Variants in PAX7 observed in about 807,000 individuals in gnomAD.
PAX7 encodes paired box 7, also known as paired box protein Pax-7.
In PAX7, 18 loss-of-function variants were observed where a neutral mutation model predicts 50.7. That is an observed-to-expected ratio of 0.36 (90% confidence interval 0.25 to 0.53). The LOEUF is 0.53. Among genes scored for constraint, PAX7 ranks in the 20% least tolerant of loss-of-function variants. PAX7 has a pLI of 0.93. For missense variants in PAX7, 644 were observed against 702.9 expected (o/e 0.92, Z 0.95); for synonymous variants, 310 against 290.4 (o/e 1.07, Z -0.69).
intron 4 of PAX7, among the ~76,000 whole-genome samples, chr1:18,686,296 C>G (rs759513069): frequency 2.0e-5 from 3 of 152,192 alleles, no homozygotes; most frequent in Non-Finnish European, 2.9e-5. Context: ...TGACTAGAGA[C>G]AGGATCCAGG....
intron 4 of PAX7, among the ~76,000 whole-genome samples, chr1:18,683,804 C>A (rs956902216): frequency 1.3e-5 from 2 of 152,164 alleles, no homozygotes; most frequent in Non-Finnish European, 2.9e-5. Flanking sequence ...CAAGCCACCG[C>A]ACTCAAGTGT....
intron 4 of PAX7, among the ~76,000 whole-genome samples, chr1:18,686,528 G>A (rs981068755): frequency 6.6e-6 from 1 of 152,118 alleles, no homozygotes; most frequent in Admixed American, 6.5e-5. Context: ...CGAACCAGCT[G>A]CCCAGGCTTC....
At position 18,700,518 on chromosome 1, in the gene PAX7, C is replaced by G. The variant is rs2089204950; in HGVS notation, c.787-135C>G. The G allele has an allele frequency of 1.3e-6, 1 of 755,392 alleles. No homozygotes were observed. The allele number at this position is 755,392 out of a possible 1,614,324, so 46.8% of individuals were successfully genotyped here. On this transcript the variant is annotated intron_variant, in intron 5 of 8. Transcript: ENST00000420770. This position sits in a 1 kb window ranked among gnomAD's most constrained non-coding sequence, Gnocchi z 4.8. ...TCACTCTGCAAAGCGTCCTGTGCTG[C>G]ACAATGCCGGGGCCTGCAGGAGGAT... is the stretch of plus-strand genomic sequence containing the variant.
At chr1:18,695,165 GATA>G (rs2089135126) in intron 5 of PAX7, among the ~76,000 whole-genome samples, 1 of 150,772 alleles carries the variant, frequency 6.6e-6, no homozygotes, top group Non-Finnish European at 1.5e-5. Flanking sequence ...GCAAGATGAT[GATA>G]ATGATGTCTA....
In PAX7 at chr1:18,725,358, T is replaced by C. The variant is rs546750466; in HGVS notation, c.1156-10274T>C. Among the ~76,000 whole-genome samples the C allele has an allele frequency of 1.8e-4, 26 of 143,544 alleles. No homozygotes were observed. In the South Asian group the frequency reaches 5.9e-3, roughly 32 times the overall value. 94.2% of individuals were successfully genotyped at this position (143,544 alleles called of 152,430 possible). A position where few individuals can be genotyped will look rare whatever the true frequency, so the allele number is the denominator to read the frequency against. On this transcript the variant is annotated intron_variant, in intron 7 of 8. Coordinates refer to ENST00000420770, the MANE Select transcript of PAX7 (RefSeq NM_001135254.2). ...CCAGGGGGGCCTGAGAGCCCAGACG[T>C]CCTCCTTTTCCAACCTGGGCGGGGG...
chr1:18,694,461 A>AAAATAAAT lies in PAX7; in HGVS notation c.786+2550_786+2557dup, dbSNP rs61364336. ...GCAGCAAGAGCAAAACTCTGTCTCGAAAATAAATAAATAAATAAATAAATA... is the reference window on the plus strand; with the variant it reads ...GCAGCAAGAGCAAAACTCTGTCTCGAAAATAAATAAATAAATAAATAAATAAATAAATA... On this transcript the variant is annotated intron_variant, in intron 5 of 8. Coordinates refer to ENST00000420770, the MANE Select transcript of PAX7 (RefSeq NM_001135254.2). Among the ~76,000 whole-genome samples, 932 of 139,734 alleles carry AAAATAAAT rather than the reference A, an allele frequency of 6.7e-3. 5 individuals are homozygous for AAAATAAAT. Among genetic ancestry groups the AAAATAAAT allele is most frequent in the Non-Finnish European group, 8.6e-3 (562 of 65,322 alleles). 91.7% of individuals were successfully genotyped at this position (139,734 alleles called of 152,430 possible).
chr1:18,715,566 T>A (rs2089409913), intron 7 of PAX7, among the ~76,000 whole-genome samples: 1 of 152,122 alleles, frequency 6.6e-6, no homozygotes, highest in South Asian at 2.1e-4. Flanking sequence ...TAAGTTGCTC[T>A]TTAAGGCAGG....
At position 18,735,609 on chromosome 1, in the gene PAX7, C is replaced by T; in HGVS notation, c.1156-23C>T. The T allele has an allele frequency of 6.3e-7, 1 of 1,597,754 alleles. No homozygotes were observed. Among genetic ancestry groups the T allele is most frequent in the African/African-American group, 1.3e-5 (1 of 74,884 alleles). ...TCTGGGGTCTGTCCGGTGAGCCTGG[C>T]ACTAATGGCCTTTTCCCCACAGGTG... On this transcript the variant is annotated intron_variant, in intron 7 of 8. Transcript: ENST00000420770. The surrounding 1 kb of genome is among the most constrained non-coding windows in gnomAD (Gnocchi z 4.0).
chr1:18,657,658 C>T (rs2100470789), intron 4 of PAX7, among the ~76,000 whole-genome samples: 1 of 152,250 alleles, frequency 6.6e-6, no homozygotes, highest in African/African-American at 2.4e-5. Context: ...AATTCAGGGG[C>T]CCGATGAATA....
At chr1:18,678,275 G>T (rs1188485034) in intron 4 of PAX7, among the ~76,000 whole-genome samples, 5 of 151,862 alleles carry the variant, frequency 3.3e-5, no homozygotes, top group Admixed American at 2.6e-4. Flanking sequence ...GCTGAGCATG[G>T]TGGTGCATGC....
chr1:18,730,116 A>G (rs937677483), intron 7 of PAX7, among the ~76,000 whole-genome samples: 12 of 152,160 alleles, frequency 7.9e-5, no homozygotes, highest in Admixed American at 4.6e-4. Context: ...CTGGGAACTA[A>G]CAATGCACCA....
chr1:18,689,051 C>T (rs1478991509), intron 4 of PAX7, among the ~76,000 whole-genome samples: 1 of 152,176 alleles, frequency 6.6e-6, no homozygotes, highest in East Asian at 1.9e-4. Flanking sequence ...GCTCTGAGGA[C>T]AGTCTCTGCC....
chr1:18,687,138 G>T (rs1046555214), intron 4 of PAX7, among the ~76,000 whole-genome samples: 2 of 151,914 alleles, frequency 1.3e-5, no homozygotes, highest in Non-Finnish European at 2.9e-5. Context: ...TGATCCACCC[G>T]CCTCAGCCTC....
chr1:18,740,901 A>T (rs1432007970), intron 8 of PAX7, among the ~76,000 whole-genome samples: 1 of 152,214 alleles, frequency 6.6e-6, no homozygotes, highest in Non-Finnish European at 1.5e-5. Context: ...AGGCACAGAG[A>T]GACAAACATC....
At chr1:18,731,209 G>A (rs1382434267) in intron 7 of PAX7, among the ~76,000 whole-genome samples, 2 of 152,192 alleles carry the variant, frequency 1.3e-5, no homozygotes, top group East Asian at 1.9e-4. Context: ...TGCAGGCTCC[G>A]GACCTCAGCT....
At position 18,727,096 on chromosome 1, in the gene PAX7, AAC is replaced by A. The variant is rs202057946; in HGVS notation, c.1156-8532_1156-8531del. Among the ~76,000 whole-genome samples the A allele has an allele frequency of 4.5e-3, 683 of 152,226 alleles. 3 individuals are homozygous for A. The highest frequency in any genetic ancestry group is 5.6e-3 in the Admixed American group (86 of 15,290). On this transcript the variant is annotated intron_variant, in intron 7 of 8. Transcript: ENST00000420770. ...CTTATGCACACACAATACTCACAGA[AAC>A]ACATAAAAAATTCACACATATACAC...
At chr1:18,709,059 G>A (rs2089318089) in intron 7 of PAX7, among the ~76,000 whole-genome samples, 1 of 152,202 alleles carries the variant, frequency 6.6e-6, no homozygotes, top group East Asian at 1.9e-4. Context: ...CCCAGGTGGT[G>A]TGTGCCAGGT....
At chr1:18,672,416 C>T (rs1299266563) in intron 4 of PAX7, among the ~76,000 whole-genome samples, 1 of 151,964 alleles carries the variant, frequency 6.6e-6, no homozygotes, top group Non-Finnish European at 1.5e-5. Context: ...AATAAATGTC[C>T]TCAGGATTGT....
chr1:18,738,899 C>G (rs1930960340), intron 8 of PAX7, among the ~76,000 whole-genome samples: 1 of 152,200 alleles, frequency 6.6e-6, no homozygotes, highest in African/African-American at 2.4e-5. Context: ...TGCACCACCT[C>G]CCTCTCCTTT....
Sources: gnomAD v4.1 joint callset for allele counts (sites outside exome capture counted in the v4.1 genomes callset) on GRCh38, gnomAD v4.1.1 for gene constraint, Gnocchi (gnomAD v3.1) non-coding constraint, MANE v1.5 for transcripts, NCBI Gene and HGNC (gene_info 2026-07-23, HGNC 2026-07-21) for gene names.